The following GPR137B variants were observed in gnomAD, a reference collection of about 807,000 sequenced individuals.
GPR137B encodes the protein integral membrane protein GPR137B.
In GPR137B, 42 loss-of-function variants were observed where a neutral mutation model predicts 42.5. That is an observed-to-expected ratio of 0.99 (90% CI 0.77 to 1.28). GPR137B has a LOEUF of 1.28. Among genes scored for constraint, GPR137B ranks in the 50% most tolerant of loss-of-function variants. GPR137B has a pLI of 0.00. For missense variants in GPR137B, 487 were observed against 493.9 expected (o/e 0.99, Z 0.13); for synonymous variants, 218 against 209.7 (o/e 1.04, Z -0.34).
chr1:236,180,813 T>G (rs1053289988), intron 4 of GPR137B, among the ~76,000 whole-genome samples: 3 of 152,100 alleles, frequency 2.0e-5, no homozygotes, highest in Non-Finnish European at 4.4e-5. Flanking sequence ...AGATGGGGTT[T>G]CACCATGTTG....
chr1:236,163,067 A>G (rs1290119561), intron 1 of GPR137B, among the ~76,000 whole-genome samples: 1 of 152,320 alleles, frequency 6.6e-6, no homozygotes, highest in East Asian at 1.9e-4. Context: ...GCAAAGCCAC[A>G]GGGGTGGAGC....
At chr1:236,154,487 C>T (rs1457682896) in intron 1 of GPR137B, among the ~76,000 whole-genome samples, 1 of 151,862 alleles carries the variant, frequency 6.6e-6, no homozygotes, top group Admixed American at 6.6e-5. Context: ...TCCCGAAGGC[C>T]CCAGTGAGCT....
chr1:236,182,578 TA>T (rs1370710686), intron 4 of GPR137B, among the ~76,000 whole-genome samples: 1 of 151,756 alleles, frequency 6.6e-6, no homozygotes. Context: ...CTACAAAAAA[TA>T]AAAAATTAAA....
intron 1 of GPR137B, among the ~76,000 whole-genome samples, chr1:236,152,251 C>A (rs969785925): frequency 2.0e-5 from 3 of 151,764 alleles, no homozygotes; most frequent in Non-Finnish European, 2.9e-5. Flanking sequence ...CGCTTGAGCC[C>A]AGGAGTTCAA....
At chr1:236,163,045 A>G (rs1440171508) in intron 1 of GPR137B, among the ~76,000 whole-genome samples, 1 of 152,164 alleles carries the variant, frequency 6.6e-6, no homozygotes, top group Non-Finnish European at 1.5e-5. Context: ...GCCGGGAGAG[A>G]GGCTGTACCC....
At chr1:236,151,176 A>C (rs971043904) in intron 1 of GPR137B, among the ~76,000 whole-genome samples, 3 of 152,124 alleles carry the variant, frequency 2.0e-5, no homozygotes, top group African/African-American at 7.2e-5. Context: ...TTCTCTCAGT[A>C]CAGAAATAGC....
Position 236,194,171 on chromosome 1 carries a change from GTGTGTATTTTT to G in GPR137B, c.966+10267_966+10277del, listed in dbSNP as rs554410451. ...AGGGGTCAACAACTGATACTCTATG[GTGTGTATTTTT>G]TATTTGTTTTCAACTTACAATGAGT... On this transcript the variant is annotated intron_variant, in intron 5 of 6. Coordinates refer to ENST00000366592, the MANE Select transcript of GPR137B (RefSeq NM_003272.4). Among the ~76,000 whole-genome samples, 15 of 152,262 alleles carry G rather than the reference GTGTGTATTTTT, an allele frequency of 9.9e-5. No individual in the cohort carries two copies. The East Asian group carries it at 2.3e-3, about 23-fold the overall frequency.
intron 2 of GPR137B, among the ~76,000 whole-genome samples, chr1:236,173,607 G>A: frequency 6.6e-6 from 1 of 152,142 alleles, no homozygotes; most frequent in Non-Finnish European, 1.5e-5. Flanking sequence ...TGATCCTTCT[G>A]GTCCCACAAG....
intron 6 of GPR137B, chr1:236,207,238 GAAGA>G (rs1237354124): frequency 1.6e-5 from 16 of 985,204 alleles, no homozygotes; most frequent in African/African-American, 1.7e-5. Flanking sequence ...TGAGAAAAAA[GAAGA>G]AAGCTGCCCA....
At chr1:236,169,334 T>TC (rs1399792882) in intron 2 of GPR137B, among the ~76,000 whole-genome samples, 1 of 152,198 alleles carries the variant, frequency 6.6e-6, no homozygotes, top group Non-Finnish European at 1.5e-5. Flanking sequence ...AGGCTCCGGC[T>TC]CCTTGTTTTC....
chr1:236,201,899 G>C (rs959362995), intron 5 of GPR137B, among the ~76,000 whole-genome samples: 3 of 151,926 alleles, frequency 2.0e-5, no homozygotes, highest in African/African-American at 7.3e-5. Context: ...GGAAAAATCT[G>C]GAACTCAAAG....
intron 4 of GPR137B, among the ~76,000 whole-genome samples, chr1:236,182,325 G>T (rs183605471): frequency 6.6e-6 from 1 of 152,262 alleles, no homozygotes; most frequent in Non-Finnish European, 1.5e-5. Context: ...AAATAACAAA[G>T]ATTTGGGTTT....
At chr1:236,173,332 G>A (rs1415683185) in intron 2 of GPR137B, among the ~76,000 whole-genome samples, 1 of 150,272 alleles carries the variant, frequency 6.7e-6, no homozygotes, top group African/African-American at 2.4e-5. Context: ...GAAAGGAAGG[G>A]AGGGAGGGAA....
At chr1:236,165,022 A>G (rs2102901017) in intron 1 of GPR137B, among the ~76,000 whole-genome samples, 1 of 152,262 alleles carries the variant, frequency 6.6e-6, no homozygotes, top group East Asian at 1.9e-4. Context: ...CTGCTGCCTC[A>G]GCCTCCCAAG....
In GPR137B at chr1:236,142,995, C is replaced by A. The variant is rs1176268881; in HGVS notation, c.373C>A (p.Gln125Lys). The change falls in exon 1 of 7, where the codon CAG (glutamine) becomes AAG (lysine). Residue 125 changes from glutamine (Q) to lysine (K), a missense_variant. By Grantham distance (53) the Gln-to-Lys change is moderately conservative (BLOSUM62 1). Coordinates refer to ENST00000366592, the MANE Select transcript of GPR137B (RefSeq NM_003272.4). ...GCTCTACTGCTTCCCTGTGTGCCTG[C>A]AGTTTTTCACCCTCACGCTGATGAA... The part of the protein sequence containing the change: ...WLLYCFPVCL[Q>K]FFTLTLMNLY... 2 of 1,613,900 alleles carry A rather than the reference C, an allele frequency of 1.2e-6. No individual in the cohort carries two copies. The highest frequency in any genetic ancestry group is 1.7e-6 in the Non-Finnish European group (2 of 1,179,958).
At chr1:236,146,330 A>G (rs187356492) in intron 1 of GPR137B, among the ~76,000 whole-genome samples, 16 of 152,176 alleles carry the variant, frequency 1.1e-4, no homozygotes, top group Non-Finnish European at 2.1e-4. Flanking sequence ...TGAATGAGAC[A>G]TGAGTCCTCT....
At chr1:236,197,339 C>G (rs1476402458) in intron 5 of GPR137B, among the ~76,000 whole-genome samples, 2 of 152,100 alleles carry the variant, frequency 1.3e-5, no homozygotes, top group African/African-American at 4.8e-5. Flanking sequence ...TATGACTTGT[C>G]TGTTTACTCT....
At chr1:236,167,035 G>A (rs1215946207) in intron 1 of GPR137B, among the ~76,000 whole-genome samples, 4 of 152,182 alleles carry the variant, frequency 2.6e-5, no homozygotes, top group Admixed American at 2.6e-4. Flanking sequence ...GAAAGGCCCC[G>A]AGGCCGAGGG....
rs1571964844 is a variant in GPR137B at position 236,155,547 on chromosome 1, G to A, written c.414+12511G>A. Among the ~76,000 whole-genome samples, 1 of 152,122 alleles carries A rather than the reference G, an allele frequency of 6.6e-6. No individual in the cohort carries two copies. The highest frequency in any genetic ancestry group is 1.5e-5 in the Non-Finnish European group (1 of 68,008). On this transcript the variant is annotated intron_variant, in intron 1 of 6. Transcript: ENST00000366592. This position sits in a 1 kb window ranked among gnomAD's most constrained non-coding sequence, Gnocchi z 4.6. Reference sequence around the variant, plus strand: ...GTGGGTGGGAGGTGTGCTCTCTAGAGTCCCGTCTCCTCGCGGGCTGCCTGC... The same window carrying A: ...GTGGGTGGGAGGTGTGCTCTCTAGAATCCCGTCTCCTCGCGGGCTGCCTGC...
Sources: allele counts gnomAD v4.1 joint callset (sites outside exome capture counted in the v4.1 genomes callset), GRCh38; gene constraint gnomAD v4.1.1; non-coding constraint Gnocchi (gnomAD v3.1); transcripts MANE v1.5; gene names NCBI Gene and HGNC (gene_info 2026-07-23, HGNC 2026-07-21).